Variants in HORMAD2 observed in about 807,000 individuals in gnomAD.
HORMAD2 encodes HORMA domain containing 2.
HORMAD2 carries 45 observed loss-of-function variants against 38.8 expected under a neutral mutation model. That is an observed-to-expected ratio of 1.16 (90% confidence interval 0.91 to 1.49). The LOEUF is 1.49. HORMAD2 is among the 40% of genes most tolerant of loss of function. The pLI is 0.00. For missense variants in HORMAD2, 338 were observed against 367.0 expected (o/e 0.92, Z 0.65); for synonymous variants, 126 against 122.8 (o/e 1.03, Z -0.17).
chr22:30,190,100 A>G, the HORMAD2 span, among the ~76,000 whole-genome samples: 1 of 152,272 alleles, frequency 6.6e-6, no homozygotes, highest in Non-Finnish European at 1.5e-5. Context: ...TGGGTGAGCA[A>G]TTCAGCACCC....
At chr22:30,152,651 G>T (rs1924821994) in intron 10 of HORMAD2, among the ~76,000 whole-genome samples, 1 of 152,102 alleles carries the variant, frequency 6.6e-6, no homozygotes, top group Non-Finnish European at 1.5e-5. Flanking sequence ...TTATATTGAT[G>T]ATATACTCAT....
At chr22:30,110,704 G>A (rs1338859162) in intron 5 of HORMAD2, among the ~76,000 whole-genome samples, 1 of 151,730 alleles carries the variant, frequency 6.6e-6, no homozygotes, top group Non-Finnish European at 1.5e-5. Context: ...TATACTTTTA[G>A]CATAAAATTA....
the HORMAD2 span, among the ~76,000 whole-genome samples, chr22:30,191,610 G>A: frequency 1.3e-5 from 2 of 152,142 alleles, no homozygotes; most frequent in East Asian, 3.8e-4. Context: ...GCTACCAAGG[G>A]AACTTCAGTG....
At chr22:30,106,233 A>C (rs931511390) in intron 5 of HORMAD2, among the ~76,000 whole-genome samples, 4 of 151,294 alleles carry the variant, frequency 2.6e-5, no homozygotes, top group Non-Finnish European at 4.4e-5. Flanking sequence ...CTTCTCTCGA[A>C]CTCCTGACCT....
At chr22:30,092,721 C>T (rs1039195071) in intron 1 of HORMAD2, among the ~76,000 whole-genome samples, 2 of 152,036 alleles carry the variant, frequency 1.3e-5, no homozygotes, top group Non-Finnish European at 2.9e-5. Context: ...TGCAGTTTCT[C>T]CAGAACCATT....
chr22:30,114,862 C>T (rs1241417821), intron 7 of HORMAD2, among the ~76,000 whole-genome samples: 1 of 152,100 alleles, frequency 6.6e-6, no homozygotes, highest in Admixed American at 6.6e-5. Context: ...AAAGAGATGA[C>T]CAACGAAAGT....
intron 5 of HORMAD2, among the ~76,000 whole-genome samples, chr22:30,107,430 CT>C (rs1437823976): frequency 6.6e-6 from 1 of 152,014 alleles, no homozygotes; most frequent in Non-Finnish European, 1.5e-5. Context: ...CTCAGGTGAT[CT>C]TGTAGCTGGT....
intron 1 of HORMAD2, among the ~76,000 whole-genome samples, chr22:30,083,684 C>T (rs1424664417): frequency 3.9e-5 from 6 of 152,056 alleles, no homozygotes; most frequent in South Asian, 2.1e-4. Flanking sequence ...GGTGCAATCT[C>T]GGCTCACTGC....
intron 1 of HORMAD2, among the ~76,000 whole-genome samples, chr22:30,081,821 G>T (rs1164048703): frequency 6.6e-6 from 1 of 151,950 alleles, no homozygotes; most frequent in African/African-American, 2.4e-5. Flanking sequence ...TCTTGACCTC[G>T]TGATCCTCCC....
chr22:30,080,316 A>G (rs1601486815), upstream of HORMAD2: 1 of 152,414 alleles, frequency 6.6e-6, no homozygotes, highest in South Asian at 2.1e-4. Flanking sequence ...TTGCATATTC[A>G]TGAAGTCTAG....
At chr22:30,192,090 A>T in the HORMAD2 span, 1 of 152,256 alleles carries the variant, frequency 6.6e-6, no homozygotes, top group Non-Finnish European at 1.5e-5. Flanking sequence ...GGCCCTGAGC[A>T]TAAGTTGATG....
intron 10 of HORMAD2, among the ~76,000 whole-genome samples, chr22:30,142,883 T>A (rs922109335): frequency 6.6e-6 from 1 of 152,208 alleles, no homozygotes; most frequent in African/African-American, 2.4e-5. Context: ...TCCTAACTTA[T>A]CAGAATCAGT....
At chr22:30,117,916 G>A (rs1275989279) in intron 7 of HORMAD2, among the ~76,000 whole-genome samples, 3 of 152,132 alleles carry the variant, frequency 2.0e-5, no homozygotes, top group Admixed American at 6.5e-5. Flanking sequence ...AGCAGTAGTA[G>A]CATCTAGTTT....
intron 8 of HORMAD2, among the ~76,000 whole-genome samples, chr22:30,120,938 G>A (rs766011): frequency 0.15 from 22,340 of 149,054 alleles, 3,447 homozygotes; most frequent in African/African-American, 0.38. Context: ...AGGATATGAC[G>A]GGTTGTGAAA....
intron 1 of HORMAD2, among the ~76,000 whole-genome samples, chr22:30,091,745 AT>A (rs2146070239): frequency 6.6e-6 from 1 of 152,154 alleles, no homozygotes; most frequent in Non-Finnish European, 1.5e-5. Context: ...CTATTTTAAG[AT>A]TTTTGAGGAC....
chr22:30,115,810 G>T (rs1921998604), intron 7 of HORMAD2, among the ~76,000 whole-genome samples: 1 of 152,190 alleles, frequency 6.6e-6, no homozygotes, highest in Non-Finnish European at 1.5e-5. Flanking sequence ...AAGAAGGAGG[G>T]ATTGGATGGC....
At chr22:30,168,269 A>G (rs1223525876) in intron 10 of HORMAD2, among the ~76,000 whole-genome samples, 1 of 152,220 alleles carries the variant, frequency 6.6e-6, no homozygotes, top group Admixed American at 6.5e-5. Flanking sequence ...AGGCCATCAA[A>G]CATAAATCAT....
In HORMAD2 at chr22:30,112,536, C is replaced by G. The variant is rs1160070053; in HGVS notation, c.342+14C>G. 2 of 1,272,480 alleles carry G rather than the reference C, an allele frequency of 1.6e-6. No individual in the cohort carries two copies. The highest frequency in any genetic ancestry group is 2.1e-6 in the Non-Finnish European group (2 of 945,044). 78.8% of individuals were successfully genotyped at this position (1,272,480 alleles called of 1,614,324 possible). ...ATGGGATCTGAGGTAAGAACACACACAAACGTATAGGTGGGTAGTATATGT... is the reference window on the plus strand; with the variant it reads ...ATGGGATCTGAGGTAAGAACACACAGAAACGTATAGGTGGGTAGTATATGT... On this transcript the variant is annotated intron_variant, in intron 7 of 10. Transcript: ENST00000336726.
intron 10 of HORMAD2, among the ~76,000 whole-genome samples, chr22:30,124,154 C>G (rs1357685496): frequency 6.6e-6 from 1 of 151,868 alleles, no homozygotes. Context: ...GTTTCTCTCT[C>G]AGCCAGCCAA....
Sources: allele counts gnomAD v4.1 joint callset (sites outside exome capture counted in the v4.1 genomes callset), GRCh38; gene constraint gnomAD v4.1.1; transcripts MANE v1.5; gene names NCBI Gene and HGNC (gene_info 2026-07-23, HGNC 2026-07-21).